Variants in WDR70 observed in about 807,000 individuals in gnomAD.
WDR70 encodes WD repeat-containing protein 70.
A neutral mutation model predicts 88.6 loss-of-function variants in WDR70; 53 were observed. The observed-to-expected ratio is 0.60, with a 90% CI of 0.48 to 0.75. The LOEUF (loss-of-function observed/expected upper bound fraction) is 0.75, where lower values mean the gene tolerates loss of function less well. WDR70 is among the 30% of genes least tolerant of loss of function. The pLI is 0.00. For missense variants in WDR70, 610 were observed against 823.2 expected (o/e 0.74, Z 3.17); for synonymous variants, 280 against 270.0 (o/e 1.04, Z -0.36).
intron 9 of WDR70, among the ~76,000 whole-genome samples, chr5:37,540,267 C>T (rs1439321237): frequency 6.6e-6 from 1 of 152,182 alleles, no homozygotes; most frequent in Non-Finnish European, 1.5e-5. Context: ...TGTTTGGCTG[C>T]AAAGCTATGA....
chr5:37,408,538 A>G (rs975989105), intron 5 of WDR70, among the ~76,000 whole-genome samples: 1 of 152,158 alleles, frequency 6.6e-6, no homozygotes, highest in Non-Finnish European at 1.5e-5. Context: ...TGAACTTTGT[A>G]TCTTTGTTTA....
At chr5:37,382,096 C>T (rs1171314141) in intron 3 of WDR70, among the ~76,000 whole-genome samples, 2 of 144,658 alleles carry the variant, frequency 1.4e-5, no homozygotes, top group African/African-American at 5.7e-5. Flanking sequence ...CTACTTATCA[C>T]TGTTGTTTTT....
intron 10 of WDR70, among the ~76,000 whole-genome samples, chr5:37,654,155 A>G (rs1745486674): frequency 6.6e-6 from 1 of 152,110 alleles, no homozygotes; most frequent in African/African-American, 2.4e-5. Flanking sequence ...CTTTGTTTTC[A>G]TTGGTTTCAA....
intron 17 of WDR70, among the ~76,000 whole-genome samples, chr5:37,735,442 A>G (rs1362719173): frequency 6.6e-6 from 1 of 152,180 alleles, no homozygotes; most frequent in African/African-American, 2.4e-5. Context: ...GACTGAAACT[A>G]GAACTAGACA....
intron 5 of WDR70, among the ~76,000 whole-genome samples, chr5:37,400,507 G>GAATT (rs1204695706): frequency 5.5e-4 from 83 of 152,204 alleles, no homozygotes; most frequent in African/African-American, 2.0e-3. Context: ...TTTATAAAAA[G>GAATT]AGTCACCAGA....
intron 10 of WDR70, among the ~76,000 whole-genome samples, chr5:37,606,571 G>T (rs184847770): frequency 6.6e-6 from 1 of 152,042 alleles, no homozygotes; most frequent in African/African-American, 2.4e-5. Context: ...TTAAAGATTT[G>T]TCTTGTGTAT....
chr5:37,427,992 A>G (rs1040855986), intron 5 of WDR70, among the ~76,000 whole-genome samples: 9 of 151,378 alleles, frequency 5.9e-5, no homozygotes, highest in South Asian at 2.1e-4. Context: ...AATTAATGGG[A>G]AGAGATGTAT....
At chr5:37,510,539 C>A (rs1377171757) in intron 8 of WDR70, among the ~76,000 whole-genome samples, 1 of 152,150 alleles carries the variant, frequency 6.6e-6, no homozygotes, top group Non-Finnish European at 1.5e-5. Flanking sequence ...CTCAAGCAAT[C>A]CTTCTGCCTC....
At chr5:37,707,847 G>A (rs1747372807) in intron 13 of WDR70, among the ~76,000 whole-genome samples, 1 of 147,410 alleles carries the variant, frequency 6.8e-6, no homozygotes, top group South Asian at 2.2e-4. Context: ...CTGGGAGGCA[G>A]AGGTTGCGGT....
At chr5:37,457,142 C>T (rs563685234) in intron 7 of WDR70, among the ~76,000 whole-genome samples, 1 of 152,216 alleles carries the variant, frequency 6.6e-6, no homozygotes, top group South Asian at 2.1e-4. Flanking sequence ...GTCGCCTGGG[C>T]TGGAGTGCGG....
chr5:37,434,984 A>G (rs1273628928), intron 5 of WDR70, among the ~76,000 whole-genome samples: 1 of 152,242 alleles, frequency 6.6e-6, no homozygotes, highest in African/African-American at 2.4e-5. Flanking sequence ...ATATGCTACC[A>G]AAAGATGGAT....
chr5:37,530,758 T>C (rs889084510), intron 9 of WDR70, among the ~76,000 whole-genome samples: 65 of 147,802 alleles, frequency 4.4e-4, no homozygotes, highest in Non-Finnish European at 8.9e-4. Flanking sequence ...TAGCTTTTTG[T>C]TTCATTTATC....
At chr5:37,610,285 A>AT (rs1744154191) in intron 10 of WDR70, among the ~76,000 whole-genome samples, 1 of 148,790 alleles carries the variant, frequency 6.7e-6, no homozygotes, top group Non-Finnish European at 1.5e-5. Flanking sequence ...AAAAAAAAAA[A>AT]TTTGTTTTTA....
At chr5:37,661,922 A>G (rs1400149748) in intron 10 of WDR70, among the ~76,000 whole-genome samples, 1 of 152,184 alleles carries the variant, frequency 6.6e-6, no homozygotes, top group Non-Finnish European at 1.5e-5. Flanking sequence ...GTAATTTCTA[A>G]TCTTGTAACT....
chr5:37,439,441 G>C (rs555520262), intron 6 of WDR70, among the ~76,000 whole-genome samples: 1 of 152,200 alleles, frequency 6.6e-6, no homozygotes, highest in South Asian at 2.1e-4. Context: ...AAGCTTTTCT[G>C]TCATCTAGTC....
chr5:37,455,423 G>T (rs76958430), intron 7 of WDR70, among the ~76,000 whole-genome samples: 1 of 151,388 alleles, frequency 6.6e-6, no homozygotes, highest in African/African-American at 2.4e-5. Flanking sequence ...TGTATTTTTA[G>T]TAGAGACGGG....
intron 10 of WDR70, among the ~76,000 whole-genome samples, chr5:37,611,973 C>T (rs1744204643): frequency 6.6e-6 from 1 of 152,054 alleles, no homozygotes; most frequent in Admixed American, 6.6e-5. Flanking sequence ...GCTTGCAGCC[C>T]AGACTAATGA....
intron 10 of WDR70, among the ~76,000 whole-genome samples, chr5:37,692,614 C>T (rs74427592): frequency 2.6e-5 from 4 of 152,104 alleles, no homozygotes; most frequent in Non-Finnish European, 5.9e-5. Flanking sequence ...ATGAAAAACA[C>T]CACGTGATTA....
rs191930954 is a variant in WDR70 at position 37,707,299 on chromosome 5, C to A, written c.1416+4212C>A. ...TGTTTCATGGTCTCTGTACCTCATT[C>A]ACTTTTGGCAATAATTTCAGAGATA... On this transcript the variant is annotated intron_variant, in intron 13 of 17. Coordinates refer to ENST00000265107, the MANE Select transcript of WDR70 (RefSeq NM_018034.4). Among the ~76,000 whole-genome samples, 275 of 152,186 alleles carry A rather than the reference C, an allele frequency of 1.8e-3. 2 individuals carry two copies. Among genetic ancestry groups the A allele is most frequent in the African/African-American group, 6.4e-3 (266 of 41,546 alleles).
Sources: allele counts gnomAD v4.1 joint callset (sites outside exome capture counted in the v4.1 genomes callset), GRCh38; gene constraint gnomAD v4.1.1; transcripts MANE v1.5; gene names NCBI Gene and HGNC (gene_info 2026-07-23, HGNC 2026-07-21).